Variants in SLC16A7 observed in about 807,000 individuals in gnomAD.
SLC16A7 encodes solute carrier family 16 member 7.
In SLC16A7, 33 loss-of-function variants were observed where a neutral mutation model predicts 34.9. The observed-to-expected ratio is 0.94, with a 90% CI of 0.72 to 1.26. SLC16A7 has a LOEUF of 1.26. Ranked by LOEUF, SLC16A7 falls within the 50% of genes most tolerant of loss-of-function variation. The probability of loss-of-function intolerance (pLI) is 0.00; values close to 1 mark genes in which losing one functional copy is unlikely to be tolerated. For synonymous variants in SLC16A7, 201 were observed against 206.6 expected (o/e 0.97, Z 0.23); for missense variants, 573 against 578.1 (o/e 0.99, Z 0.09).
At chr12:59,705,119 T>A in intron 3 of SLC16A7, 101 bp downstream of exon 3, 1 of 764,038 alleles carries the variant, frequency 1.3e-6, no homozygotes, top group Non-Finnish European at 2.2e-6. Flanking sequence ...ACCCTGTTTT[T>A]ATGTTATAGT....
At chr12:59,762,026 A>G (rs907318937) in intron 3 of SLC16A7, among the ~76,000 whole-genome samples, 1 of 152,064 alleles carries the variant, frequency 6.6e-6, no homozygotes, top group Non-Finnish European at 1.5e-5. Context: ...TTGGGCCCTC[A>G]TCAGGCTACC....
At chr12:59,700,952 T>TACC in intron 2 of SLC16A7, among the ~76,000 whole-genome samples, 1 of 151,844 alleles carries the variant, frequency 6.6e-6, no homozygotes, top group African/African-American at 2.4e-5. Context: ...TCTTGTGAGG[T>TACC]AGGTACTCCA....
chr12:59,761,342 T>G (rs1386682729), intron 3 of SLC16A7: 2 of 326,820 alleles, frequency 6.1e-6, no homozygotes, highest in Non-Finnish European at 1.2e-5. Context: ...TTGGTAAATG[T>G]ACTACTTAAG....
rs1222509510 is a variant in SLC16A7 at position 59,789,010 on chromosome 12, A to G, written c.*9331A>G. The G allele has an allele frequency of 6.6e-6, 1 of 152,110 alleles. No individual in the cohort carries two copies. 9.4% of individuals were successfully genotyped at this position (152,110 alleles called of 1,614,324 possible). A position where few individuals can be genotyped will look rare whatever the true frequency, so the allele number is the denominator to read the frequency against. ...GGTTGTAGTTTCTAATTTTCACTGC[A>G]TAACAAATTTGAAACCAAATGTTGA... is the stretch of plus-strand genomic sequence containing the variant. On this transcript the variant is annotated 3_prime_UTR_variant, in exon 6 of 6. Transcript: ENST00000547379.
intron 2 of SLC16A7, among the ~76,000 whole-genome samples, chr12:59,666,446 A>G (rs765223981): frequency 6.6e-5 from 10 of 152,110 alleles, no homozygotes; most frequent in Non-Finnish European, 1.2e-4. Context: ...TAGAGAAGAG[A>G]GTAATATGGT....
intron 1 of SLC16A7, among the ~76,000 whole-genome samples, chr12:59,599,523 GACC>G (rs1878585396): frequency 6.6e-6 from 1 of 152,228 alleles, no homozygotes; most frequent in Admixed American, 6.5e-5. Context: ...TAAAAGGGCA[GACC>G]ATAATGCAGG....
At chr12:59,597,370 G>A (rs1274992883) in intron 1 of SLC16A7, among the ~76,000 whole-genome samples, 1 of 152,018 alleles carries the variant, frequency 6.6e-6, no homozygotes, top group East Asian at 1.9e-4. Flanking sequence ...GGGTCCCAAA[G>A]GAGATGCGGC....
intron 2 of SLC16A7, among the ~76,000 whole-genome samples, chr12:59,657,630 G>A (rs1049582726): frequency 6.6e-6 from 1 of 151,976 alleles, no homozygotes; most frequent in African/African-American, 2.4e-5. Flanking sequence ...CAGTGGTGGT[G>A]GGTCTGCTTT....
At chr12:59,777,582 CT>C (rs942696994) in intron 5 of SLC16A7, among the ~76,000 whole-genome samples, 25 of 144,874 alleles carry the variant, frequency 1.7e-4, no homozygotes, top group East Asian at 1.0e-3. Context: ...CTAAAAAATT[CT>C]TTTTTTTTTC....
At chr12:59,779,331 A>G in intron 5 of SLC16A7, 92 bp from the exon 6 acceptor site, 1 of 946,356 alleles carries the variant, frequency 1.1e-6, no homozygotes, top group Non-Finnish European at 1.5e-6. Context: ...TTTAAATAAG[A>G]GGAATATACT....
rs1284648141 is a variant in SLC16A7 at position 59,774,788 on chromosome 12, A to T, written c.493A>T (p.Asn165Tyr). ...TTTCTTAAGTTCATTGGCTCCTTTC[A>T]ATCAGTACCTTTTTAATACTTTTGG... ...PVFLSSLAPF[N>Y]QYLFNTFGWK... is the part of the protein sequence containing the mutation. Residue 165 changes from asparagine (N) to tyrosine (Y), a missense_variant, in exon 5 of 6, where the codon AAT becomes TAT. By Grantham distance (143) the Asn-to-Tyr change is moderately radical. Coordinates refer to ENST00000547379, the MANE Select transcript of SLC16A7 (RefSeq NM_001270623.2). 6.2e-7 allele frequency: 1 copy of T among 1,613,898 alleles called. No homozygotes were observed. The highest frequency in any genetic ancestry group is 1.7e-5 in the Admixed American group (1 of 59,958).
intron 1 of SLC16A7, among the ~76,000 whole-genome samples, chr12:59,652,836 A>G (rs1286257015): frequency 6.6e-6 from 1 of 151,860 alleles, no homozygotes; most frequent in Non-Finnish European, 1.5e-5. Flanking sequence ...ATATAAATAA[A>G]AGTCTTTGTA....
intron 3 of SLC16A7, among the ~76,000 whole-genome samples, chr12:59,754,490 T>A (rs1421504861): frequency 6.6e-6 from 1 of 151,990 alleles, no homozygotes; most frequent in Non-Finnish European, 1.5e-5. Flanking sequence ...TCTACGCAAA[T>A]AAACTAGAAA....
chr12:59,732,599 GC>G (rs2137248383), intron 3 of SLC16A7, among the ~76,000 whole-genome samples: 1 of 152,264 alleles, frequency 6.6e-6, no homozygotes, highest in South Asian at 2.1e-4. Context: ...TCACACTTTT[GC>G]CTTTCTCAGG....
At chr12:59,624,992 G>C (rs1879864003) in intron 1 of SLC16A7, among the ~76,000 whole-genome samples, 1 of 151,744 alleles carries the variant, frequency 6.6e-6, no homozygotes, top group Admixed American at 6.6e-5. Context: ...GCAAGTACTA[G>C]TCTTAGCCAT....
chr12:59,610,763 T>A (rs1775340532), intron 1 of SLC16A7, among the ~76,000 whole-genome samples: 1 of 152,226 alleles, frequency 6.6e-6, no homozygotes, highest in Non-Finnish European at 1.5e-5. Context: ...TAAAAACGTG[T>A]TTCTTTAATA....
chr12:59,757,670 C>A (rs1196798680), intron 3 of SLC16A7, among the ~76,000 whole-genome samples: 1 of 152,050 alleles, frequency 6.6e-6, no homozygotes, highest in Non-Finnish European at 1.5e-5. Context: ...CCTCTCCTGC[C>A]TCCCCTTCCA....
In SLC16A7 at chr12:59,771,273, C is replaced by G. The variant is rs1882196291; in HGVS notation, c.272C>G (p.Ala91Gly). 6.2e-7 allele frequency: 1 copy of G among 1,613,352 alleles called. No homozygotes were observed. Among genetic ancestry groups the G allele is most frequent in the East Asian group, 2.2e-5 (1 of 44,812 alleles). The change falls in exon 4 of 6, where the codon GCA (alanine) becomes GGA (glycine). Residue 91 changes from alanine (A) to glycine (G), a missense_variant. Physicochemically the swap from Ala to Gly is moderately conservative, Grantham distance 60. Coordinates refer to ENST00000547379, the MANE Select transcript of SLC16A7 (RefSeq NM_001270623.2). Reference sequence around the variant, plus strand: ...TACGGCAGCCGGCCGGTGGTGATAGCAGGAGGCTTATTATGCTGTCTTGGA... The same window carrying G: ...TACGGCAGCCGGCCGGTGGTGATAGGAGGAGGCTTATTATGCTGTCTTGGA... Reference protein sequence around the residue: ...NKYGSRPVVIAGGLLCCLGMV... With the variant: ...NKYGSRPVVIGGGLLCCLGMV...
chr12:59,702,381 G>A (rs936418014), intron 2 of SLC16A7, among the ~76,000 whole-genome samples: 1 of 151,932 alleles, frequency 6.6e-6, no homozygotes, highest in South Asian at 2.1e-4. Context: ...GACAGAAAAC[G>A]TTTATGTTTC....
Sources: allele counts gnomAD v4.1 joint callset (sites outside exome capture counted in the v4.1 genomes callset), GRCh38; gene constraint gnomAD v4.1.1; transcripts MANE v1.5; gene names NCBI Gene and HGNC (gene_info 2026-07-23, HGNC 2026-07-21).